Variants in MFN1 observed in about 807,000 individuals in gnomAD.
MFN1 encodes mitofusin 1, also known as mitofusin-1.
MFN1 carries 65 observed loss-of-function variants against 92.4 expected under a neutral mutation model. That is an observed-to-expected ratio of 0.70 (90% confidence interval 0.58 to 0.86). The LOEUF (loss-of-function observed/expected upper bound fraction) is 0.86, where lower values mean the gene tolerates loss of function less well. Among genes scored for constraint, MFN1 ranks in the 40% least tolerant of loss-of-function variants. MFN1 has a pLI of 0.00. For synonymous variants in MFN1, 297 were observed against 300.9 expected, an observed-to-expected ratio of 0.99 and a Z score of 0.13; for missense variants, 781 against 868.0, an observed-to-expected ratio of 0.90 and a Z score of 1.26.
intron 2 of MFN1, among the ~76,000 whole-genome samples, chr3:179,351,061 T>G (rs1343797347): frequency 6.6e-6 from 1 of 152,190 alleles, no homozygotes; most frequent in East Asian, 1.9e-4. Flanking sequence ...CACTTCGGCC[T>G]CCCAAAGTGC....
intron 4 of MFN1, among the ~76,000 whole-genome samples, chr3:179,360,940 A>T (rs1200834105): frequency 6.6e-6 from 1 of 152,138 alleles, no homozygotes; most frequent in African/African-American, 2.4e-5. Flanking sequence ...CCTGAGCAAT[A>T]TAGTGAGACC....
chr3:179,372,303 T>C lies in MFN1; in HGVS notation c.976-2917T>C, dbSNP rs144668281. Among the ~76,000 whole-genome samples, 1,540 of 151,296 alleles carry C rather than the reference T, an allele frequency of 0.01. 51 individuals carry two copies. In the South Asian group the frequency reaches 0.11, roughly 11 times the overall value. On this transcript the variant is annotated intron_variant, in intron 9 of 17. Transcript: ENST00000471841. ...TGATGAGTAGCATGTTAGGTGTTTGTAGGGTCTGTTTTCAAGGGAAATTGA... is the reference window on the plus strand; with the variant it reads ...TGATGAGTAGCATGTTAGGTGTTTGCAGGGTCTGTTTTCAAGGGAAATTGA...
chr3:179,371,122 A>T (rs928306989), intron 9 of MFN1, among the ~76,000 whole-genome samples: 2 of 152,204 alleles, frequency 1.3e-5, no homozygotes, highest in Non-Finnish European at 2.9e-5. Context: ...CTTTAGATTC[A>T]TTTGATTCAA....
rs777266144 is a variant in MFN1 at position 179,351,907 on chromosome 3, T to A, written c.120T>A (p.Tyr40Ter). The change falls in exon 3 of 18, where the codon TAT becomes TAA. Residue 40 changes from tyrosine (Y) to a stop codon, truncating the protein, a stop_gained. Transcript: ENST00000471841. LOFTEE classifies it high-confidence loss of function. ...TEGSHFVEAT[Y>*]KNPELDRIAT... The stretch of plus-strand genomic sequence containing the variant: ...GCCATTTCAATTTTGCAGCAACATA[T>A]AAGAATCCGGAACTTGATCGAATAG... The A allele has an allele frequency of 2.5e-6, 4 of 1,601,128 alleles. No homozygotes were observed. The highest frequency in any genetic ancestry group is 1.3e-5 in the African/African-American group (1 of 74,746).
intron 4 of MFN1, among the ~76,000 whole-genome samples, chr3:179,360,697 TTGA>T (rs1247180979): frequency 1.3e-5 from 2 of 152,190 alleles, no homozygotes; most frequent in Non-Finnish European, 2.9e-5. Context: ...AGTTCAGTGC[TTGA>T]TGATCCATGC....
rs559908136 is a variant in MFN1 at position 179,375,508 on chromosome 3, CGA to C, written c.1097+168_1097+169del. On this transcript the variant is annotated intron_variant, in intron 10 of 17. Coordinates refer to ENST00000471841, the MANE Select transcript of MFN1 (RefSeq NM_033540.3). ...TTTTTAAGTGCGTATTTGAAAGTGTCGATATTTATTCTGCAACCTTGCACACA... is the reference window on the plus strand; with the variant it reads ...TTTTTAAGTGCGTATTTGAAAGTGTCTATTTATTCTGCAACCTTGCACACA... Among the ~76,000 whole-genome samples, 12 of 152,262 alleles carry C rather than the reference CGA, an allele frequency of 7.9e-5. No homozygotes were observed. The South Asian group carries it at 2.1e-3, about 26-fold the overall frequency.
chr3:179,374,366 GTAATATATATATAACA>G (rs1713146844), intron 9 of MFN1, among the ~76,000 whole-genome samples: 2 of 138,428 alleles, frequency 1.4e-5, no homozygotes, highest in Admixed American at 7.3e-5. Context: ...ACATATATAT[GTAATATATATATAACA>G]TATATAACAT....
intron 3 of MFN1, among the ~76,000 whole-genome samples, chr3:179,355,256 ACTT>A (rs1157300948): frequency 6.6e-6 from 1 of 152,170 alleles, no homozygotes; most frequent in Non-Finnish European, 1.5e-5. Flanking sequence ...GGATTTGGCC[ACTT>A]CTTTTATCAG....
chr3:179,365,108 T>G lies in MFN1; in HGVS notation c.646-10T>G. 1 of 1,487,886 alleles carries G rather than the reference T, an allele frequency of 6.7e-7. No homozygotes were observed. The highest frequency in any genetic ancestry group is 9.0e-7 in the Non-Finnish European group (1 of 1,111,904). The allele number at this position is 1,487,886 out of a possible 1,614,324, so 92.2% of individuals were successfully genotyped here. The stretch of plus-strand genomic sequence containing the variant: ...AGTGAATGTACTGTGGGGTTTTTTT[T>G]GTTTTTCAGGAAAAACACTTTTTTC... On this transcript the variant is annotated splice_polypyrimidine_tract_variant and intron_variant, in intron 6 of 17. Coordinates refer to ENST00000471841, the MANE Select transcript of MFN1 (RefSeq NM_033540.3).
intron 14 of MFN1, among the ~76,000 whole-genome samples, chr3:179,380,830 C>T (rs1256393545): frequency 2.0e-5 from 3 of 152,114 alleles, no homozygotes; most frequent in Non-Finnish European, 4.4e-5. Context: ...CCATATATGC[C>T]AGCACTTGGA....
At position 179,390,183 on chromosome 3, in the gene MFN1, C is replaced by T. The variant is rs764964924; in HGVS notation, c.2147+45C>T. 4.3e-6 allele frequency: 6 copies of T among 1,404,976 alleles called. No homozygotes were observed. The African/African-American group carries it at 7.5e-5, about 18-fold the overall frequency. The allele number at this position is 1,404,976 out of a possible 1,614,324, so 87.0% of individuals were successfully genotyped here. ...CAATAATTTGAACATTTACTGGTCT[C>T]ATTACAAAATATGTAAAATTATTAA... On this transcript the variant is annotated intron_variant, in intron 17 of 17. Coordinates refer to ENST00000471841, the MANE Select transcript of MFN1 (RefSeq NM_033540.3).
intron 16 of MFN1, 33 bp downstream of exon 16, chr3:179,386,662 A>G (rs1214827589): frequency 2.6e-6 from 4 of 1,559,648 alleles, no homozygotes; most frequent in Non-Finnish European, 3.5e-6. Context: ...CCTTTAAAAA[A>G]AAGTTACTGA....
At chr3:179,379,698 A>T (rs78036376) in intron 14 of MFN1, among the ~76,000 whole-genome samples, 428 of 152,318 alleles carry the variant, frequency 2.8e-3, no homozygotes, top group African/African-American at 9.9e-3. Flanking sequence ...TGTGGGTGAC[A>T]TTGATAAGAA....
At chr3:179,375,134 T>G in intron 9 of MFN1, 86 bp from the exon 10 acceptor site, 2 of 1,387,628 alleles carry the variant, frequency 1.4e-6, no homozygotes, top group Non-Finnish European at 1.9e-6. Flanking sequence ...TGGGTTAAAG[T>G]TACAAACAGC....
At position 179,394,570 on chromosome 3, in the gene MFN1, C is replaced by A. The variant is rs929432354; in HGVS notation, c.*2511C>A. On this transcript the variant is annotated 3_prime_UTR_variant, in exon 18 of 18. Transcript: ENST00000471841. ...AGCTGGGACTACAGGCGCCCGCCAC[C>A]ACGCCCGGCTAATTTTTTGTATTTT... The A allele has an allele frequency of 6.6e-6, 1 of 151,652 alleles. No homozygotes were observed. Among genetic ancestry groups the A allele is most frequent in the African/African-American group, 2.4e-5 (1 of 41,250 alleles). The allele number at this position is 151,652 out of a possible 1,614,324, so 9.4% of individuals were successfully genotyped here. A position where few individuals can be genotyped will look rare whatever the true frequency, so the allele number is the denominator to read the frequency against.
Position 179,392,119 on chromosome 3 carries a change from G to C in MFN1, c.*60G>C, listed in dbSNP as rs1013140978. 9.1e-7 allele frequency: 1 copy of C among 1,099,444 alleles called. No individual in the cohort carries two copies. 68.1% of individuals were successfully genotyped at this position (1,099,444 alleles called of 1,614,324 possible). ...AAACGAAACTTGTAAGATTGGAACAGTTGTTATTTTTATGAAATTACTTTA... is the reference window on the plus strand; with the variant it reads ...AAACGAAACTTGTAAGATTGGAACACTTGTTATTTTTATGAAATTACTTTA... On this transcript the variant is annotated 3_prime_UTR_variant, in exon 18 of 18. Coordinates refer to ENST00000471841, the MANE Select transcript of MFN1 (RefSeq NM_033540.3).
In MFN1 at chr3:179,385,478, T is replaced by G. The variant is rs199515446; in HGVS notation, c.1663-91T>G. ...ATCATTTAGGGTAATTTTTCCCTCA[T>G]AGATGTGCTACTATAATTTTAGAGT... is the stretch of plus-strand genomic sequence containing the variant. On this transcript the variant is annotated intron_variant, in intron 14 of 17. Coordinates refer to ENST00000471841, the MANE Select transcript of MFN1 (RefSeq NM_033540.3). 1 of 719,942 alleles carries G rather than the reference T, an allele frequency of 1.4e-6. No homozygotes were observed. The highest frequency in any genetic ancestry group is 1.9e-6 in the Non-Finnish European group (1 of 514,964). The allele number at this position is 719,942 out of a possible 1,614,324, so 44.6% of individuals were successfully genotyped here.
intron 7 of MFN1, among the ~76,000 whole-genome samples, chr3:179,366,837 A>C (rs1712813113): frequency 6.6e-6 from 1 of 152,198 alleles, no homozygotes; most frequent in South Asian, 2.1e-4. Flanking sequence ...CTAACCCTTA[A>C]TCTTCACTTC....
intron 3 of MFN1, among the ~76,000 whole-genome samples, chr3:179,353,352 C>T (rs989139677): frequency 6.6e-6 from 1 of 151,876 alleles, no homozygotes; most frequent in African/African-American, 2.4e-5. Flanking sequence ...AGGCGTGAGC[C>T]ACCGCGCCTG....
Sources: gnomAD v4.1 joint callset for allele counts (sites outside exome capture counted in the v4.1 genomes callset) on GRCh38, gnomAD v4.1.1 for gene constraint, MANE v1.5 for transcripts, NCBI Gene and HGNC (gene_info 2026-07-23, HGNC 2026-07-21) for gene names.